ACSM1: variants seen among roughly 807,000 people sequenced by gnomAD.
The protein encoded by ACSM1 is acyl-coenzyme A synthetase ACSM1, mitochondrial.
ACSM1 carries 79 observed loss-of-function variants against 75.8 expected under a neutral mutation model. The observed-to-expected ratio is 1.04, with a 90% CI of 0.87 to 1.26. The LOEUF (loss-of-function observed/expected upper bound fraction) is 1.26. Among genes scored for constraint, ACSM1 ranks in the 50% most tolerant of loss-of-function variants. The probability of loss-of-function intolerance (pLI) is 0.00; values close to 1 mark genes in which losing one functional copy is unlikely to be tolerated. For missense variants in ACSM1, 676 were observed against 720.1 expected, an observed-to-expected ratio of 0.94 and a Z score of 0.70; for synonymous variants, 279 against 265.8, an observed-to-expected ratio of 1.05 and a Z score of -0.48.
At chr16:20,694,235 T>C (rs2152343498) in intron 1 of ACSM1, among the ~76,000 whole-genome samples, 1 of 152,340 alleles carries the variant, frequency 6.6e-6, no homozygotes, top group African/African-American at 2.4e-5. Flanking sequence ...TTCCAGCCAG[T>C]GGAAACCGGA....
intron 7 of ACSM1, among the ~76,000 whole-genome samples, chr16:20,652,762 T>G (rs1184924487): frequency 6.6e-6 from 1 of 152,098 alleles, no homozygotes; most frequent in Non-Finnish European, 1.5e-5. Context: ...CAATAAATAA[T>G]AGCCTACCAA....
At chr16:20,675,650 T>C (rs985677458) in intron 4 of ACSM1, among the ~76,000 whole-genome samples, 4 of 152,204 alleles carry the variant, frequency 2.6e-5, no homozygotes, top group Admixed American at 2.6e-4. Context: ...GGACATACTG[T>C]GAATTAGAAT....
chr16:20,637,033 A>G, intron 9 of ACSM1, 193 bp from the exon 10 acceptor site: 4 of 714,110 alleles, frequency 5.6e-6, no homozygotes, highest in Admixed American at 2.0e-5. Context: ...TCTATGTTTC[A>G]TGAGTTAGTA....
Position 20,693,997 on chromosome 16 carries a change from T to C in ACSM1, c.-51-2758A>G, listed in dbSNP as rs1365658889. Among the ~76,000 whole-genome samples, 7 of 152,392 alleles carry C rather than the reference T, an allele frequency of 4.6e-5. No homozygotes were observed. In the East Asian group the frequency reaches 1.3e-3, roughly 29 times the overall value. On this transcript the variant is annotated intron_variant, in intron 1 of 13. Transcript: ENST00000520010. ...GTAATAAAGAAATCAATGTACTTTA[T>C]GTTCTTAGCTCCCACAATTTAGCCT...
At chr16:20,673,194 G>A (rs1241843447) in intron 4 of ACSM1, among the ~76,000 whole-genome samples, 1 of 151,100 alleles carries the variant, frequency 6.6e-6, no homozygotes, top group Non-Finnish European at 1.5e-5. Context: ...AAGATCTGTG[G>A]TTCCCTCAGT....
chr16:20,656,897 C>CA (rs71377673), intron 7 of ACSM1, among the ~76,000 whole-genome samples: 1,387 of 120,004 alleles, frequency 0.012, 12 homozygotes, highest in African/African-American at 0.029. Flanking sequence ...GAAGAGGTTA[C>CA]AAAAAAAAAA....
At chr16:20,662,186 G>C (rs2019336458) in intron 6 of ACSM1, among the ~76,000 whole-genome samples, 1 of 152,160 alleles carries the variant, frequency 6.6e-6, no homozygotes, top group South Asian at 2.1e-4. Flanking sequence ...AGTTCTGTAG[G>C]AACACAGGAG....
intron 7 of ACSM1, among the ~76,000 whole-genome samples, chr16:20,653,308 G>A (rs1031730045): frequency 2.0e-5 from 3 of 152,156 alleles, no homozygotes; most frequent in Non-Finnish European, 2.9e-5. Context: ...TACTGAATGG[G>A]CAAAAACTGG....
At chr16:20,693,686 T>C (rs549260188) in intron 1 of ACSM1, among the ~76,000 whole-genome samples, 3 of 152,352 alleles carry the variant, frequency 2.0e-5, no homozygotes, top group African/African-American at 7.2e-5. Context: ...TCCAGTTTGA[T>C]GCAGTTCCTA....
chr16:20,645,028 G>A (rs1193455360), intron 7 of ACSM1, among the ~76,000 whole-genome samples: 1 of 152,166 alleles, frequency 6.6e-6, no homozygotes, highest in Admixed American at 6.5e-5. Flanking sequence ...GTTTATGGGA[G>A]TGCATCTTGA....
chr16:20,675,965 G>A (rs2020251566), intron 4 of ACSM1, among the ~76,000 whole-genome samples: 1 of 152,172 alleles, frequency 6.6e-6, no homozygotes. Context: ...TGGCAACTAC[G>A]GAGACAAAAG....
At chr16:20,645,454 G>T (rs879790833) in intron 7 of ACSM1, among the ~76,000 whole-genome samples, 24 of 152,142 alleles carry the variant, frequency 1.6e-4, no homozygotes, top group Non-Finnish European at 3.5e-4. Context: ...TTCCCTCTCA[G>T]ACTTGAAACA....
chr16:20,655,748 C>T (rs2018924147), intron 7 of ACSM1, among the ~76,000 whole-genome samples: 1 of 152,104 alleles, frequency 6.6e-6, no homozygotes, highest in Non-Finnish European at 1.5e-5. Flanking sequence ...CTGCAACCTC[C>T]AGCTCCTGGG....
chr16:20,644,633 A>C (rs2018260323), intron 7 of ACSM1, among the ~76,000 whole-genome samples: 1 of 151,992 alleles, frequency 6.6e-6, no homozygotes, highest in Non-Finnish European at 1.5e-5. Context: ...GAGTTAGAAA[A>C]ATTGCCTAAT....
chr16:20,695,113 C>T (rs1364258154), intron 1 of ACSM1, among the ~76,000 whole-genome samples: 1 of 152,144 alleles, frequency 6.6e-6, no homozygotes, highest in Non-Finnish European at 1.5e-5. Flanking sequence ...GTTTGTGATT[C>T]TAATTTAATC....
rs34041438 is a variant in ACSM1 at position 20,686,978 on chromosome 16, A to ATT, written c.193-1577_193-1576dup. 4.4e-3 allele frequency among the ~76,000 whole-genome samples: 593 copies of ATT among 135,986 alleles called. 3 individuals are homozygous for ATT. The highest frequency in any genetic ancestry group is 6.5e-3 in the Admixed American group (88 of 13,492). The allele number at this position is 135,986 out of a possible 152,430, so 89.2% of individuals were successfully genotyped here. A position where few individuals can be genotyped will look rare whatever the true frequency, so the allele number is the denominator to read the frequency against. On this transcript the variant is annotated intron_variant, in intron 2 of 13. Transcript: ENST00000520010. The stretch of plus-strand genomic sequence containing the variant: ...ACTCAAAATGGTAGAAAATTTTGTG[A>ATT]TTTTTTTTTTTTTTTTTTGGTCACC...
chr16:20,660,289 G>A (rs889060710), intron 7 of ACSM1, among the ~76,000 whole-genome samples: 3 of 152,194 alleles, frequency 2.0e-5, no homozygotes, highest in African/African-American at 7.2e-5. Context: ...GAAAAGTGAT[G>A]GAAGTTTGAA....
intron 4 of ACSM1, chr16:20,680,834 T>A (rs2079429752): frequency 6.6e-6 from 1 of 152,214 alleles, no homozygotes; most frequent in Non-Finnish European, 1.5e-5. Flanking sequence ...CTATATTGGA[T>A]CTGTGGAGCA....
intron 6 of ACSM1, among the ~76,000 whole-genome samples, chr16:20,662,451 T>C (rs970371014): frequency 6.6e-6 from 1 of 152,180 alleles, no homozygotes; most frequent in Non-Finnish European, 1.5e-5. Context: ...TGGAGCCAGG[T>C]TATTTAGACT....
Sources: allele counts gnomAD v4.1 joint callset (sites outside exome capture counted in the v4.1 genomes callset), GRCh38; gene constraint gnomAD v4.1.1; transcripts MANE v1.5; gene names NCBI Gene and HGNC (gene_info 2026-07-23, HGNC 2026-07-21).